Variants in SNX14 observed in about 807,000 individuals in gnomAD.
SNX14 encodes sorting nexin 14, also known as sorting nexin-14.
SNX14 carries 93 observed loss-of-function variants against 133.8 expected under a neutral mutation model. The observed-to-expected ratio is 0.70, with a 90% CI of 0.59 to 0.83. The LOEUF is 0.83. Ranked by LOEUF, SNX14 falls within the 40% of genes least tolerant of loss-of-function variation. The probability of loss-of-function intolerance (pLI) is 0.00; values close to 1 mark genes in which losing one functional copy is unlikely to be tolerated. For synonymous variants in SNX14, 368 were observed against 365.6 expected (o/e 1.01, Z -0.07); for missense variants, 945 against 1,094.9 (o/e 0.86, Z 1.93).
rs938877706 is a variant in SNX14, at chr6:85,541,230, T to A, written c.1448+755A>T. ...CTGGTCTCAAACTCCTGACCTCAAG[T>A]GATCCCCACGTCTCGGCCTCACAAA... is the stretch of plus-strand genomic sequence containing the variant. On this transcript the variant is annotated intron_variant, in intron 15 of 28. Transcript: ENST00000314673. Among the ~76,000 whole-genome samples, 35 of 152,178 alleles carry A rather than the reference T, an allele frequency of 2.3e-4. 1 individual carries two copies. The highest frequency in any genetic ancestry group is 2.9e-5 in the Non-Finnish European group (2 of 68,036).
chr6:85,566,811 T>A (rs1449084812), intron 5 of SNX14, among the ~76,000 whole-genome samples: 2 of 152,202 alleles, frequency 1.3e-5, no homozygotes, highest in African/African-American at 4.8e-5. Context: ...AGTGTTCAAA[T>A]ATATATTAAA....
chr6:85,592,926 A>G (rs1803327166), intron 1 of SNX14, among the ~76,000 whole-genome samples: 1 of 152,128 alleles, frequency 6.6e-6, no homozygotes, highest in Non-Finnish European at 1.5e-5. Flanking sequence ...AGGCAGGAGA[A>G]TGGCGTGAAC....
intron 16 of SNX14, among the ~76,000 whole-genome samples, chr6:85,538,275 T>C (rs1292749133): frequency 6.6e-6 from 1 of 152,134 alleles, no homozygotes; most frequent in African/African-American, 2.4e-5. Context: ...TAGGGTTTTT[T>C]TTAATCCAGA....
At chr6:85,513,659 T>C in intron 26 of SNX14, 141 bp downstream of exon 26, 2 of 613,390 alleles carry the variant, frequency 3.3e-6, no homozygotes, top group Non-Finnish European at 2.8e-6. Flanking sequence ...ATTTAACTAG[T>C]GTGTTAATTT....
At chr6:85,537,932 T>C (rs1413603965) in intron 16 of SNX14, among the ~76,000 whole-genome samples, 1 of 152,022 alleles carries the variant, frequency 6.6e-6, no homozygotes, top group Non-Finnish European at 1.5e-5. Context: ...ATCAAGAAAA[T>C]ATATATAAAA....
chr6:85,520,376 T>G (rs1344330837), intron 21 of SNX14, among the ~76,000 whole-genome samples: 2 of 146,526 alleles, frequency 1.4e-5, no homozygotes, highest in African/African-American at 2.5e-5. Flanking sequence ...TTTTTTTTTT[T>G]AGATGGAGTT....
At chr6:85,584,487 G>T (rs1484126059) in intron 1 of SNX14, among the ~76,000 whole-genome samples, 1 of 152,106 alleles carries the variant, frequency 6.6e-6, no homozygotes, top group Non-Finnish European at 1.5e-5. Context: ...GAAAATTTCT[G>T]CAATCTATCC....
chr6:85,585,691 G>A (rs560894468), intron 1 of SNX14, among the ~76,000 whole-genome samples: 1 of 151,406 alleles, frequency 6.6e-6, no homozygotes, highest in African/African-American at 2.4e-5. Flanking sequence ...CTATCTATCA[G>A]AATAACTAAA....
chr6:85,593,115 G>C (rs1583198211), intron 1 of SNX14, among the ~76,000 whole-genome samples: 1 of 152,174 alleles, frequency 6.6e-6, no homozygotes, highest in South Asian at 2.1e-4. Context: ...ACAATACTGC[G>C]GGAAAAGCTT....
intron 20 of SNX14, among the ~76,000 whole-genome samples, chr6:85,527,395 A>AT (rs1381351913): frequency 4.7e-4 from 31 of 65,958 alleles, no homozygotes; most frequent in African/African-American, 2.3e-3. Context: ...CTATATATAT[A>AT]TATTTTTTTT....
At chr6:85,554,257 T>C (rs976624341) in intron 7 of SNX14, among the ~76,000 whole-genome samples, 4 of 151,906 alleles carry the variant, frequency 2.6e-5, no homozygotes, top group African/African-American at 9.6e-5. Flanking sequence ...TACATATGTA[T>C]ATAAATGTTG....
chr6:85,512,577 G>A (rs1001584845), intron 26 of SNX14, among the ~76,000 whole-genome samples: 2 of 148,974 alleles, frequency 1.3e-5, no homozygotes, highest in Non-Finnish European at 1.5e-5. Flanking sequence ...AGCAGAGATC[G>A]TGTCATTTCA....
intron 14 of SNX14, 139 bp from the exon 15 acceptor site, chr6:85,542,182 G>T: frequency 1.9e-6 from 1 of 532,414 alleles, no homozygotes; most frequent in Non-Finnish European, 3.2e-6. Flanking sequence ...TGGTCAACTA[G>T]GGTAAGGATG....
intron 26 of SNX14, among the ~76,000 whole-genome samples, chr6:85,513,179 G>A (rs545165410): frequency 1.3e-5 from 2 of 152,066 alleles, no homozygotes; most frequent in South Asian, 4.1e-4. Context: ...TTGATCCCTT[G>A]ACATTTCTTC....
intron 5 of SNX14, 69 bp from the exon 6 acceptor site, chr6:85,565,488 G>T: frequency 8.3e-7 from 1 of 1,210,556 alleles, no homozygotes; most frequent in Non-Finnish European, 1.1e-6. Flanking sequence ...ACAATCCAAG[G>T]GAAAATTTTC....
intron 28 of SNX14, 115 bp downstream of exon 28, chr6:85,507,118 T>C (rs1770975748): frequency 1.0e-6 from 1 of 966,086 alleles, no homozygotes; most frequent in East Asian, 2.6e-5. Context: ...GGTTAATTTT[T>C]TAAAGAACCA....
intron 7 of SNX14, among the ~76,000 whole-genome samples, chr6:85,553,795 A>AG (rs1788686439): frequency 6.6e-6 from 1 of 152,018 alleles, no homozygotes; most frequent in South Asian, 2.1e-4. Context: ...CCAAAAAAAA[A>AG]AAAAGAATCT....
intron 16 of SNX14, 128 bp downstream of exon 16, chr6:85,538,710 T>C: frequency 1.5e-6 from 1 of 670,070 alleles, no homozygotes; most frequent in East Asian, 3.2e-5. Flanking sequence ...TTATCCTAAA[T>C]AACTAGGATA....
Position 85,543,815 on chromosome 6 carries a change from A to T in SNX14, c.1109-55T>A, listed in dbSNP as rs113471210. The T allele has an allele frequency of 9.6e-6, 11 of 1,150,606 alleles. No homozygotes were observed. The African/African-American group carries it at 1.3e-4, about 13-fold the overall frequency. 71.3% of individuals were successfully genotyped at this position (1,150,606 alleles called of 1,614,324 possible). On this transcript the variant is annotated intron_variant, in intron 12 of 28. Transcript: ENST00000314673. ...ATAATTTTAATATATAATTATTCAT[A>T]AAAGCTTCAGTCCCATTCTAATTGT...
Sources: allele counts gnomAD v4.1 joint callset (sites outside exome capture counted in the v4.1 genomes callset), GRCh38; gene constraint gnomAD v4.1.1; transcripts MANE v1.5; gene names NCBI Gene and HGNC (gene_info 2026-07-23, HGNC 2026-07-21).